Variants in KCNG1 observed in about 807,000 individuals in gnomAD.
KCNG1 encodes the protein voltage-gated potassium channel regulatory subunit KCNG1.
In KCNG1, 17 loss-of-function variants were observed where a neutral mutation model predicts 32.4. The ratio of observed to expected loss-of-function variants is 0.52; its 90% CI spans 0.36 to 0.79. KCNG1 has a LOEUF of 0.79. Among genes scored for constraint, KCNG1 ranks in the 30% least tolerant of loss-of-function variants. The pLI is 0.00. For synonymous variants in KCNG1, 358 were observed against 339.9 expected, an observed-to-expected ratio of 1.05 and a Z score of -0.59; for missense variants, 441 against 735.2, an observed-to-expected ratio of 0.60 and a Z score of 4.63.
In KCNG1 at chr20:51,004,457, C is replaced by T. The variant is rs1467529334; in HGVS notation, c.1124G>A (p.Arg375His). Reference protein sequence around the residue: ...TLGLTARRCTREFGLLLLFLC... With the variant: ...TLGLTARRCTHEFGLLLLFLC... ...GAAGAGCAGCAGGAGCCCGAACTCG[C>T]GGGTGCAGCGGCGGGCCGTGAGCCC... Residue 375 changes from arginine (R) to histidine (H), a missense_variant, in exon 3 of 3, where the codon CGC becomes CAC. Arg to His is a conservative substitution (Grantham distance 29). Around this residue, in one of 6 missense-constraint regions of KCNG1, gnomAD observed 169 missense variants for 297.7 expected, o/e 0.57. Transcript: ENST00000371571. This position sits in a 1 kb window ranked among gnomAD's most constrained non-coding sequence, Gnocchi z 4.3. The T allele has an allele frequency of 1.9e-6, 3 of 1,603,346 alleles. No homozygotes were observed. Among genetic ancestry groups the T allele is most frequent in the East Asian group, 2.3e-5 (1 of 44,382 alleles).
chr20:51,009,222 G>T (rs932686149), intron 2 of KCNG1, among the ~76,000 whole-genome samples: 2 of 152,142 alleles, frequency 1.3e-5, no homozygotes, highest in Non-Finnish European at 2.9e-5. Flanking sequence ...TTCGCTCAGG[G>T]CCAGGCACGT....
rs745852986 is a variant in KCNG1, at chr20:51,005,007, C to A, written c.775-201G>T. The A allele has an allele frequency of 1.0e-5, 5 of 500,870 alleles. No individual in the cohort carries two copies. The highest frequency in any genetic ancestry group is 4.0e-5 in the African/African-American group (2 of 50,246). 31.0% of individuals were successfully genotyped at this position (500,870 alleles called of 1,614,324 possible). On this transcript the variant is annotated intron_variant, in intron 2 of 2. Transcript: ENST00000371571. The surrounding 1 kb of genome is among the most constrained non-coding windows in gnomAD (Gnocchi z 4.0). ...CATCTCTACACTGGCCGCTCCTCAT[C>A]TCTCTCTCCAGCCCCCACCTCAGCC... is the stretch of plus-strand genomic sequence containing the variant.
intron 1 of KCNG1, among the ~76,000 whole-genome samples, chr20:51,020,352 C>G (rs1299287175): frequency 6.6e-6 from 1 of 152,104 alleles, no homozygotes; most frequent in Non-Finnish European, 1.5e-5. Context: ...ACCTGCTTAC[C>G]AGAGTCCTCT....
chr20:51,021,429 A>G (rs1425207895), intron 1 of KCNG1, among the ~76,000 whole-genome samples: 1 of 152,192 alleles, frequency 6.6e-6, no homozygotes, highest in Admixed American at 6.5e-5. Context: ...GCCGACCGCA[A>G]GGCCCCAATC....
chr20:51,009,871 G>T lies in KCNG1; in HGVS notation c.468C>A (p.Ile156=). The T allele has an allele frequency of 6.2e-7, 1 of 1,613,524 alleles. No individual in the cohort carries two copies. The highest frequency in any genetic ancestry group is 8.5e-7 in the Non-Finnish European group (1 of 1,179,950). Residue 156 remains isoleucine (I), a synonymous_variant, in exon 2 of 3, where the codon ATC becomes ATA. Transcript: ENST00000371571. ...SFQEELLYWG[I]AEDHLDGCCK... The stretch of plus-strand genomic sequence containing the variant: ...AGCAGCCGTCCAGGTGGTCCTCCGC[G>T]ATGCCCCAGTACAGCAGCTCCTCCT...
In KCNG1 at chr20:51,015,745, C is replaced by T. The variant is rs1432240227; in HGVS notation, c.-26-5381G>A. The stretch of plus-strand genomic sequence containing the variant: ...TGCATGGAAGGAGGAACGAAGGTTA[C>T]AGGTGGAATTAAGGCTGCTACAGCT... On this transcript the variant is annotated intron_variant, in intron 1 of 2. Transcript: ENST00000371571. The surrounding 1 kb of genome is among the most constrained non-coding windows in gnomAD (Gnocchi z 4.4). 1.3e-5 allele frequency among the ~76,000 whole-genome samples: 2 copies of T among 152,222 alleles called. No individual in the cohort carries two copies. Among genetic ancestry groups the T allele is most frequent in the Non-Finnish European group, 2.9e-5 (2 of 68,032 alleles).
intron 1 of KCNG1, among the ~76,000 whole-genome samples, chr20:51,020,294 G>T (rs149608802): frequency 3.4e-4 from 52 of 152,260 alleles, no homozygotes; most frequent in African/African-American, 1.2e-3. Context: ...AAGCAGAGAA[G>T]CAGGCTTGGG....
intron 1 of KCNG1, among the ~76,000 whole-genome samples, chr20:51,018,200 G>A (rs1166795930): frequency 6.6e-6 from 1 of 152,194 alleles, no homozygotes; most frequent in East Asian, 1.9e-4. Context: ...GGCATGGCTA[G>A]TCGTCCCTGC....
In KCNG1 at chr20:51,010,152, G is replaced by C; in HGVS notation, c.187C>G (p.Arg63Gly). ...RQGCQPEDRR[R>G]RIIINVGGIK... is the part of the protein sequence containing the mutation. ...CCGCCTACGTTGATGATGATCCGAC[G>C]GCGGCGGTCCTCGGGCTGACAGCCC... The change falls in exon 2 of 3, where the codon CGT becomes GGT. Residue 63 changes from arginine (R) to glycine (G), a missense_variant. Around this residue, in one of 6 missense-constraint regions of KCNG1, gnomAD observed 85 missense variants for 98.2 expected, o/e 0.87. Transcript: ENST00000371571. 6.2e-7 allele frequency: 1 copy of C among 1,610,836 alleles called. No individual in the cohort carries two copies. The highest frequency in any genetic ancestry group is 8.5e-7 in the Non-Finnish European group (1 of 1,178,362).
At position 51,004,061 on chromosome 20, in the gene KCNG1, G is replaced by A. The variant is rs948830129; in HGVS notation, c.1520C>T (p.Ser507Leu). ...DSDILFGSAS[S>L]DTRDNN The stretch of plus-strand genomic sequence containing the variant: ...CGCTCAGTTATTGTCTCTGGTGTCC[G>A]AGGAGGCACTTCCGAACAAGATGTC... Residue 507 changes from serine to leucine, a missense_variant, in exon 3 of 3, where the codon TCG becomes TTG. Physicochemically the swap from Ser to Leu is moderately radical, Grantham distance 145. Coordinates refer to ENST00000371571, the MANE Select transcript of KCNG1 (RefSeq NM_002237.4). This position sits in a 1 kb window ranked among gnomAD's most constrained non-coding sequence, Gnocchi z 4.3. 1.5e-5 allele frequency: 24 copies of A among 1,614,004 alleles called. No homozygotes were observed. In the African/African-American group the frequency reaches 2.9e-4, roughly 20 times the overall value.
intron 1 of KCNG1, among the ~76,000 whole-genome samples, chr20:51,017,929 C>T (rs535071704): frequency 1.3e-5 from 2 of 152,280 alleles, no homozygotes; most frequent in African/African-American, 4.8e-5. Flanking sequence ...ATCAAATTTC[C>T]ATTCAGGAGC....
intron 1 of KCNG1, among the ~76,000 whole-genome samples, chr20:51,019,861 C>T (rs1407488908): frequency 1.3e-5 from 2 of 152,112 alleles, no homozygotes; most frequent in Non-Finnish European, 2.9e-5. Flanking sequence ...CCAATTAAAA[C>T]GTTAATCAAA....
Position 51,013,225 on chromosome 20 carries a change from C to T in KCNG1, c.-26-2861G>A, listed in dbSNP as rs1185243044. 4.6e-5 allele frequency among the ~76,000 whole-genome samples: 7 copies of T among 152,180 alleles called. No individual in the cohort carries two copies. In the East Asian group the frequency reaches 1.2e-3, roughly 25 times the overall value. On this transcript the variant is annotated intron_variant, in intron 1 of 2. Coordinates refer to ENST00000371571, the MANE Select transcript of KCNG1 (RefSeq NM_002237.4). Reference sequence around the variant, plus strand: ...GCTGAGGCAGGAGAATCCCTTGAACCCAGGAGGTGGAGGTTGCAGTGAGCT... The same window carrying T: ...GCTGAGGCAGGAGAATCCCTTGAACTCAGGAGGTGGAGGTTGCAGTGAGCT...
rs746252311 is a variant in KCNG1 at position 51,004,381 on chromosome 20, G to A, written c.1200C>T (p.Asn400=). ...LFAPLLYVIE[N]EMADSPEFTS... ...TGAACTCGGGGCTGTCGGCCATCTC[G>A]TTCTCGATGACGTAGAGCAGGGGCG... is the stretch of plus-strand genomic sequence containing the variant. Residue 400 remains asparagine (N), a synonymous_variant, in exon 3 of 3, where the codon AAC becomes AAT. Coordinates refer to ENST00000371571, the MANE Select transcript of KCNG1 (RefSeq NM_002237.4). The surrounding 1 kb of genome is among the most constrained non-coding windows in gnomAD (Gnocchi z 4.3). The A allele has an allele frequency of 1.9e-6, 3 of 1,613,798 alleles. No homozygotes were observed. Among genetic ancestry groups the A allele is most frequent in the Non-Finnish European group, 2.5e-6 (3 of 1,179,730 alleles).
chr20:51,011,257 G>C (rs1191900732), intron 1 of KCNG1, among the ~76,000 whole-genome samples: 1 of 152,190 alleles, frequency 6.6e-6, no homozygotes, highest in East Asian at 1.9e-4. Flanking sequence ...AGGGGTCTCT[G>C]ATCCCAGGCA....
Position 51,004,750 on chromosome 20 carries a change from G to A in KCNG1, c.831C>T (p.Gly277=). The A allele has an allele frequency of 6.3e-7, 1 of 1,592,296 alleles. No homozygotes were observed. The highest frequency in any genetic ancestry group is 1.1e-5 in the South Asian group (1 of 87,740). Residue 277 remains glycine (G), a synonymous_variant, in exon 3 of 3, where the codon GGC becomes GGT. Transcript: ENST00000371571. The surrounding 1 kb of genome is among the most constrained non-coding windows in gnomAD (Gnocchi z 4.3). ...NVFIVESVCV[G]WFSLEFLLRL... Reference sequence around the variant, plus strand: ...GCAGGAGGAACTCCAGGGAGAACCAGCCCACGCACACCGACTCCACGATGA... The same window carrying A: ...GCAGGAGGAACTCCAGGGAGAACCAACCCACGCACACCGACTCCACGATGA...
At chr20:51,011,507 C>T (rs1257250934) in intron 1 of KCNG1, among the ~76,000 whole-genome samples, 1 of 152,128 alleles carries the variant, frequency 6.6e-6, no homozygotes, top group Non-Finnish European at 1.5e-5. Flanking sequence ...CCAGGGAATG[C>T]TGTTGCATGT....
At chr20:51,017,855 T>C (rs1364278513) in intron 1 of KCNG1, among the ~76,000 whole-genome samples, 1 of 152,154 alleles carries the variant, frequency 6.6e-6, no homozygotes, top group Non-Finnish European at 1.5e-5. Flanking sequence ...TGAGTCCCGC[T>C]TCATTGGAGA....
chr20:51,018,240 C>A lies in KCNG1; in HGVS notation c.-27+4630G>T, dbSNP rs564444663. On this transcript the variant is annotated intron_variant, in intron 1 of 2. Coordinates refer to ENST00000371571, the MANE Select transcript of KCNG1 (RefSeq NM_002237.4). ...CCTGCTAATAACCCTGTGGCCTGGG[C>A]AGGCCATCACACCCACTGAGCCGCT... is the stretch of plus-strand genomic sequence containing the variant. Among the ~76,000 whole-genome samples the A allele has an allele frequency of 9.2e-5, 14 of 152,280 alleles. No individual in the cohort carries two copies. In the East Asian group the frequency reaches 2.3e-3, roughly 25 times the overall value.
Sources: gnomAD v4.1 joint callset for allele counts (sites outside exome capture counted in the v4.1 genomes callset) on GRCh38, gnomAD v4.1.1 for gene constraint, gnomAD v4.1.1 regional missense constraint, Gnocchi (gnomAD v3.1) non-coding constraint, MANE v1.5 for transcripts, NCBI Gene and HGNC (gene_info 2026-07-23, HGNC 2026-07-21) for gene names.